Variants in LPCAT3 observed in about 807,000 individuals in gnomAD.
LPCAT3 encodes lysophosphatidylcholine acyltransferase 3.
A neutral mutation model predicts 63.4 loss-of-function variants in LPCAT3; 21 were observed. The ratio of observed to expected loss-of-function variants is 0.33; its 90% CI spans 0.23 to 0.48. LPCAT3 has a LOEUF of 0.48. Among genes scored for constraint, LPCAT3 ranks in the 20% least tolerant of loss-of-function variants. The probability of loss-of-function intolerance (pLI) is 0.99; values close to 1 mark genes in which losing one functional copy is unlikely to be tolerated. For missense variants in LPCAT3, 451 were observed against 590.6 expected (o/e 0.76, Z 2.45); for synonymous variants, 242 against 227.5 (o/e 1.06, Z -0.58).
At position 6,978,395 on chromosome 12, in the gene LPCAT3, C is replaced by T. The variant is rs1036731044; in HGVS notation, c.986G>A (p.Arg329His). ...GAATGAGGCAATGGTGCCAGTGAAG[C>T]GGGGGTTTGTTTCAAAGAGCCACAC... is the stretch of plus-strand genomic sequence containing the variant. The part of the protein sequence containing the change: ...MKVWLFETNP[R>H]FTGTIASFNI... Residue 329 changes from arginine to histidine, a missense_variant, in exon 9 of 13, where the codon CGC (arginine) becomes CAC (histidine). Transcript: ENST00000261407. The T allele has an allele frequency of 1.1e-5, 18 of 1,613,566 alleles. No individual in the cohort carries two copies. The highest frequency in any genetic ancestry group is 1.4e-5 in the Non-Finnish European group (16 of 1,179,920).
At chr12:6,981,698 T>C in intron 4 of LPCAT3, 66 bp from the exon 5 acceptor site, 5 of 1,411,970 alleles carry the variant, frequency 3.5e-6, no homozygotes, top group Non-Finnish European at 4.9e-6. Flanking sequence ...GCCTGTAGAC[T>C]GAGTGCAGCC....
rs782568748 is a variant in LPCAT3 at position 7,018,321 on chromosome 12, A to G, written c.104T>C (p.Leu35Pro). ...CCGCAGCGCCTGTTCTGACGCGCCC[A>G]GGGACGTCGCCAACTTGTTAAGGCT... ...ELSLNKLATS[L>P]GASEQALRLI... Residue 35 changes from leucine (L) to proline (P), a missense_variant, in exon 1 of 13, where the codon CTG (leucine) becomes CCG (proline). Transcript: ENST00000261407. This position sits in a 1 kb window ranked among gnomAD's most constrained non-coding sequence, Gnocchi z 4.9. The G allele has an allele frequency of 3.1e-6, 5 of 1,610,112 alleles. No individual in the cohort carries two copies. Among genetic ancestry groups the G allele is most frequent in the South Asian group, 1.1e-5 (1 of 90,192 alleles).
At chr12:6,998,782 T>C (rs1946659657) in intron 1 of LPCAT3, among the ~76,000 whole-genome samples, 1 of 152,236 alleles carries the variant, frequency 6.6e-6, no homozygotes, top group South Asian at 2.1e-4. Context: ...CCTGTACACC[T>C]TGGGCTGAGT....
At chr12:7,003,309 G>C (rs1555156653) in intron 1 of LPCAT3, among the ~76,000 whole-genome samples, 1 of 150,708 alleles carries the variant, frequency 6.6e-6, no homozygotes, top group Non-Finnish European at 1.5e-5. Flanking sequence ...AGTACAAAAA[G>C]CTCTTCCTTT....
intron 1 of LPCAT3, among the ~76,000 whole-genome samples, chr12:7,014,223 A>G (rs1044448595): frequency 6.6e-6 from 1 of 152,234 alleles, no homozygotes; most frequent in Non-Finnish European, 1.5e-5. Context: ...CTAACAGACC[A>G]TAATACCTTT....
At chr12:6,980,097 G>A (rs1946455142) in intron 6 of LPCAT3, 1 of 150,040 alleles carries the variant, frequency 6.7e-6, no homozygotes. Flanking sequence ...ACTCCGGCTA[G>A]AGTACAGAGG....
intron 6 of LPCAT3, 193 bp from the exon 7 acceptor site, chr12:6,979,772 G>A: frequency 1.7e-6 from 1 of 597,012 alleles, no homozygotes. Context: ...AATGGGGACT[G>A]CAAACCTCTT....
At position 7,014,892 on chromosome 12, in the gene LPCAT3, C is replaced by CAAAAAAAAAAA. The variant is rs375839002; in HGVS notation, c.151+3371_151+3381dup. The stretch of plus-strand genomic sequence containing the variant: ...TGGGTGACAGAGCGAGACTCCGTCT[C>CAAAAAAAAAAA]AAAAAAAAAAAAAAAAAAAAAATTG... On this transcript the variant is annotated intron_variant, in intron 1 of 12. Transcript: ENST00000261407. 4.1e-3 allele frequency among the ~76,000 whole-genome samples: 235 copies of CAAAAAAAAAAA among 57,458 alleles called. 2 individuals carry two copies. The highest frequency in any genetic ancestry group is 7.3e-3 in the Non-Finnish European group (195 of 26,692). The allele number at this position is 57,458 out of a possible 152,430, so 37.7% of individuals were successfully genotyped here. A position where few individuals can be genotyped will look rare whatever the true frequency, so the allele number is the denominator to read the frequency against.
intron 3 of LPCAT3, among the ~76,000 whole-genome samples, chr12:6,982,303 T>C (rs988745111): frequency 2.6e-5 from 4 of 152,142 alleles, no homozygotes; most frequent in Non-Finnish European, 4.4e-5. Flanking sequence ...CCTCCCAAGG[T>C]GCTGGGATTA....
chr12:7,002,988 G>A (rs1324525074), intron 1 of LPCAT3, among the ~76,000 whole-genome samples: 1 of 151,924 alleles, frequency 6.6e-6, no homozygotes, highest in Non-Finnish European at 1.5e-5. Context: ...CAGCCTGGGC[G>A]AAAGAGTGAA....
At chr12:7,009,883 A>G (rs1437992139) in intron 1 of LPCAT3, among the ~76,000 whole-genome samples, 2 of 152,240 alleles carry the variant, frequency 1.3e-5, no homozygotes, top group Non-Finnish European at 2.9e-5. Flanking sequence ...CTGTTTCAAA[A>G]TACTGCTGCT....
At chr12:6,988,097 C>G (rs1427569097) in intron 1 of LPCAT3, 4 of 292,900 alleles carry the variant, frequency 1.4e-5, no homozygotes, top group Non-Finnish European at 2.5e-5. Context: ...GGGTGCTTTC[C>G]TTATGGACTT....
chr12:6,998,316 G>A (rs916359394), intron 1 of LPCAT3, among the ~76,000 whole-genome samples: 3 of 152,224 alleles, frequency 2.0e-5, no homozygotes, highest in Non-Finnish European at 2.9e-5. Context: ...ATGTTTGGCC[G>A]TGTGTGTGCT....
intron 1 of LPCAT3, among the ~76,000 whole-genome samples, chr12:6,994,365 G>C (rs1305142916): frequency 6.6e-6 from 1 of 152,038 alleles, no homozygotes; most frequent in East Asian, 1.9e-4. Flanking sequence ...GCACCACCAT[G>C]CCCAGCTAAT....
At chr12:6,979,889 G>A (rs192494182) in intron 6 of LPCAT3, 77 of 316,476 alleles carry the variant, frequency 2.4e-4, no homozygotes, top group African/African-American at 1.4e-3. Context: ...ATCTCCATTG[G>A]GACTGAAAAC....
chr12:6,986,898 G>C (rs1319936286), intron 1 of LPCAT3, among the ~76,000 whole-genome samples: 2 of 151,822 alleles, frequency 1.3e-5, no homozygotes, highest in Non-Finnish European at 2.9e-5. Flanking sequence ...TGGGTCGCCT[G>C]AGATCAGGAG....
chr12:6,986,842 C>T (rs376262651), intron 1 of LPCAT3, among the ~76,000 whole-genome samples: 60 of 148,618 alleles, frequency 4.0e-4, no homozygotes, highest in Non-Finnish European at 8.1e-4. Context: ...CGGCCGGGTG[C>T]GGCAGCTCAC....
chr12:7,008,814 A>G (rs1373810094), intron 1 of LPCAT3, among the ~76,000 whole-genome samples: 1 of 152,204 alleles, frequency 6.6e-6, no homozygotes, highest in Non-Finnish European at 1.5e-5. Context: ...TGTGAAACAG[A>G]TGGTGTATGT....
Position 7,018,136 on chromosome 12 carries a change from G to T in LPCAT3, c.151+138C>A. ...CTTCTGTCTTCCCTCAGTAGCTGTT[G>T]GTGTGCTTCAGGATTCACACCCGCA... On this transcript the variant is annotated intron_variant, in intron 1 of 12. Transcript: ENST00000261407. The surrounding 1 kb of genome is among the most constrained non-coding windows in gnomAD (Gnocchi z 4.9). The T allele has an allele frequency of 1.1e-6, 1 of 899,834 alleles. No homozygotes were observed. The highest frequency in any genetic ancestry group is 1.7e-6 in the Non-Finnish European group (1 of 582,456). 55.7% of individuals were successfully genotyped at this position (899,834 alleles called of 1,614,324 possible). A position where few individuals can be genotyped will look rare whatever the true frequency, so the allele number is the denominator to read the frequency against.
Sources: allele counts gnomAD v4.1 joint callset (sites outside exome capture counted in the v4.1 genomes callset), GRCh38; gene constraint gnomAD v4.1.1; non-coding constraint Gnocchi (gnomAD v3.1); transcripts MANE v1.5; gene names NCBI Gene and HGNC (gene_info 2026-07-23, HGNC 2026-07-21).